Variants in SPOCK1 observed in about 807,000 individuals in gnomAD.
The protein encoded by SPOCK1 is SPARC (osteonectin), cwcv and kazal like domains proteoglycan 1.
SPOCK1 carries 23 observed loss-of-function variants against 55.3 expected under a neutral mutation model. The observed-to-expected ratio is 0.42, with a 90% confidence interval of 0.30 to 0.59. SPOCK1 has a LOEUF of 0.59. Among genes scored for constraint, SPOCK1 ranks in the 20% least tolerant of loss-of-function variants. The probability of loss-of-function intolerance (pLI) is 0.22; values close to 1 mark genes in which losing one functional copy is unlikely to be tolerated. For synonymous variants in SPOCK1, 226 were observed against 221.0 expected (o/e 1.02, Z -0.20); for missense variants, 499 against 552.5 (o/e 0.90, Z 0.97).
At chr5:137,384,304 T>C (rs1039823931) in intron 2 of SPOCK1, among the ~76,000 whole-genome samples, 7 of 152,196 alleles carry the variant, frequency 4.6e-5, no homozygotes, top group African/African-American at 1.7e-4. Flanking sequence ...CCAAAACATT[T>C]TGTTAATCAG....
At chr5:137,076,930 AT>A (rs202041423) in intron 5 of SPOCK1, among the ~76,000 whole-genome samples, 20 of 149,200 alleles carry the variant, frequency 1.3e-4, no homozygotes, top group South Asian at 6.4e-4. Flanking sequence ...CAGATTTAAA[AT>A]TTTTTTTTTT....
chr5:137,304,286 T>C (rs1757662539), intron 2 of SPOCK1, among the ~76,000 whole-genome samples: 3 of 151,984 alleles, frequency 2.0e-5, no homozygotes, highest in Admixed American at 2.0e-4. Context: ...CAATGTTCTG[T>C]TTATCTCTGC....
chr5:137,442,124 C>G (rs767999802), intron 2 of SPOCK1, among the ~76,000 whole-genome samples: 1 of 152,232 alleles, frequency 6.6e-6, no homozygotes. Flanking sequence ...CCTGGGACTT[C>G]AGCTAACGCT....
At chr5:137,466,894 C>A (rs1372665885) in intron 2 of SPOCK1, among the ~76,000 whole-genome samples, 1 of 152,248 alleles carries the variant, frequency 6.6e-6, no homozygotes, top group Non-Finnish European at 1.5e-5. Flanking sequence ...CTCAGTGCCT[C>A]TGCCTCAAGG....
chr5:137,055,805 T>G (rs1424468231), intron 6 of SPOCK1, among the ~76,000 whole-genome samples: 1 of 152,078 alleles, frequency 6.6e-6, no homozygotes, highest in Non-Finnish European at 1.5e-5. Context: ...ACAGACTGCC[T>G]GAGCTTGCTT....
At chr5:137,111,958 G>C (rs114194046) in intron 5 of SPOCK1, among the ~76,000 whole-genome samples, 307 of 152,210 alleles carry the variant, frequency 2.0e-3, no homozygotes, top group African/African-American at 7.2e-3. Flanking sequence ...GAAAAGAACA[G>C]TGCCTTATTT....
chr5:137,337,536 C>T (rs185803768), intron 2 of SPOCK1, among the ~76,000 whole-genome samples: 13 of 152,182 alleles, frequency 8.5e-5, no homozygotes, highest in Non-Finnish European at 1.8e-4. Flanking sequence ...TTCACAACAT[C>T]CTCCACTTCC....
intron 6 of SPOCK1, among the ~76,000 whole-genome samples, chr5:137,044,647 T>A (rs965744272): frequency 2.0e-5 from 3 of 152,186 alleles, no homozygotes; most frequent in Admixed American, 6.5e-5. Flanking sequence ...TATTTCTTTT[T>A]TTTTTATTAT....
rs1400077652 is a variant in SPOCK1 at position 137,388,457 on chromosome 5, G to C, written c.186+109916C>G. 2.0e-5 allele frequency among the ~76,000 whole-genome samples: 3 copies of C among 152,270 alleles called. No homozygotes were observed. The East Asian group carries it at 5.8e-4, about 29-fold the overall frequency. On this transcript the variant is annotated intron_variant, in intron 2 of 10. Transcript: ENST00000394945. The stretch of plus-strand genomic sequence containing the variant: ...ACAAGACATTGTATAACAAAAGCAA[G>C]GTCACAAAACTATGCTCTATTTTTC...
chr5:137,184,123 C>T (rs955497986), intron 3 of SPOCK1, among the ~76,000 whole-genome samples: 3 of 152,136 alleles, frequency 2.0e-5, no homozygotes, highest in Admixed American at 6.5e-5. Context: ...CAAATTTTAC[C>T]AATTTTTAAG....
chr5:137,190,631 T>C (rs1755163701), intron 3 of SPOCK1, among the ~76,000 whole-genome samples: 1 of 152,210 alleles, frequency 6.6e-6, no homozygotes, highest in South Asian at 2.1e-4. Context: ...ACAGTATCTC[T>C]AAGGTATGCC....
intron 3 of SPOCK1, among the ~76,000 whole-genome samples, chr5:137,154,606 C>T (rs529171769): frequency 6.6e-6 from 1 of 152,190 alleles, no homozygotes; most frequent in Non-Finnish European, 1.5e-5. Flanking sequence ...ATCCTTGGTG[C>T]AATTAGTCTC....
chr5:137,151,504 T>C (rs563370073), intron 3 of SPOCK1, among the ~76,000 whole-genome samples: 1 of 152,234 alleles, frequency 6.6e-6, no homozygotes, highest in South Asian at 2.1e-4. Context: ...GTTTAAAGGG[T>C]CCTAGAATGA....
rs146501192 is a variant in SPOCK1, at chr5:137,202,177, T to C, written c.233-61483A>G. On this transcript the variant is annotated intron_variant, in intron 3 of 10. Transcript: ENST00000394945. ...CTCGGCCTCTAGGGACATCCCAGAC[T>C]CATGTAGCTGTAGCAAATCCTCACC... Among the ~76,000 whole-genome samples the C allele has an allele frequency of 3.6e-3, 544 of 152,256 alleles. 5 individuals are homozygous for C. Among genetic ancestry groups the C allele is most frequent in the African/African-American group, 0.012 (499 of 41,544 alleles).
At chr5:137,011,870 TGCAAGG>T (rs979908374) in intron 6 of SPOCK1, among the ~76,000 whole-genome samples, 1 of 152,336 alleles carries the variant, frequency 6.6e-6, no homozygotes, top group African/African-American at 2.4e-5. Context: ...AACAGTTGAC[TGCAAGG>T]GTCCAAGTGG....
In SPOCK1 at chr5:136,977,953, T is replaced by G. The variant is rs930076175; in HGVS notation, c.*701A>C. ...ATACCCAAACACTTTTTCTGAGAGG[T>G]ATGGGTGTGTGTGCAAGGCACACAC... On this transcript the variant is annotated 3_prime_UTR_variant, in exon 11 of 11. Transcript: ENST00000394945. 10 of 398,776 alleles carry G rather than the reference T, an allele frequency of 2.5e-5. 1 individual carries two copies. Among genetic ancestry groups the G allele is most frequent in the Admixed American group, 4.4e-5 (1 of 22,712 alleles). The allele number at this position is 398,776 out of a possible 1,614,324, so 24.7% of individuals were successfully genotyped here. A position where few individuals can be genotyped will look rare whatever the true frequency, so the allele number is the denominator to read the frequency against.
chr5:137,244,077 T>C (rs1043257185), intron 3 of SPOCK1, among the ~76,000 whole-genome samples: 2 of 152,210 alleles, frequency 1.3e-5, no homozygotes, highest in Non-Finnish European at 2.9e-5. Context: ...ATGAAAGATA[T>C]AACTCTAATA....
intron 3 of SPOCK1, among the ~76,000 whole-genome samples, chr5:137,169,204 G>C (rs539355105): frequency 6.6e-6 from 1 of 152,158 alleles, no homozygotes; most frequent in South Asian, 2.1e-4. Flanking sequence ...TGAGGGGTTG[G>C]GGGGAAGTGG....
chr5:137,225,266 T>C (rs1037755991), intron 3 of SPOCK1, among the ~76,000 whole-genome samples: 5 of 151,936 alleles, frequency 3.3e-5, no homozygotes, highest in African/African-American at 1.2e-4. Context: ...CTTGAGAGAG[T>C]TAGTTAACTG....
Sources: gnomAD v4.1 joint callset for allele counts (sites outside exome capture counted in the v4.1 genomes callset) on GRCh38, gnomAD v4.1.1 for gene constraint, MANE v1.5 for transcripts, NCBI Gene and HGNC (gene_info 2026-07-23, HGNC 2026-07-21) for gene names.